TTC33: variants seen among roughly 807,000 people sequenced by gnomAD.
The protein encoded by TTC33 is tetratricopeptide repeat domain 33.
A neutral mutation model predicts 29.4 loss-of-function variants in TTC33; 24 were observed. The observed-to-expected ratio is 0.82, with a 90% confidence interval of 0.59 to 1.15. The LOEUF is 1.15. Among genes scored for constraint, TTC33 ranks in the 50% most tolerant of loss-of-function variants. The pLI, the probability that TTC33 is intolerant of heterozygous loss-of-function variation, is 0.00. For synonymous variants in TTC33, 107 were observed against 100.3 expected, an observed-to-expected ratio of 1.07 and a Z score of -0.40; for missense variants, 286 against 310.4, an observed-to-expected ratio of 0.92 and a Z score of 0.59.
intron 4 of TTC33, among the ~76,000 whole-genome samples, chr5:40,727,539 A>G (rs1742316228): frequency 6.6e-6 from 1 of 152,172 alleles, no homozygotes; most frequent in South Asian, 2.1e-4. Context: ...TTTCATTTGC[A>G]CACATTTCTA....
At chr5:40,754,255 G>A (rs1431703487) in intron 1 of TTC33, among the ~76,000 whole-genome samples, 1 of 152,148 alleles carries the variant, frequency 6.6e-6, no homozygotes, top group Non-Finnish European at 1.5e-5. Flanking sequence ...GGGTGTGGGA[G>A]GCCTGATGCC....
chr5:40,732,112 A>G (rs1159981731), intron 2 of TTC33, among the ~76,000 whole-genome samples: 1 of 152,178 alleles, frequency 6.6e-6, no homozygotes, highest in Admixed American at 6.5e-5. Flanking sequence ...CTTGGGCTCA[A>G]GGGCCTCCCA....
At chr5:40,740,557 C>T (rs1365561087) in intron 2 of TTC33, among the ~76,000 whole-genome samples, 1 of 152,146 alleles carries the variant, frequency 6.6e-6, no homozygotes, top group Non-Finnish European at 1.5e-5. Flanking sequence ...TATCTCATGG[C>T]TTTTCTCCAC....
rs960368764 is a variant in TTC33, at chr5:40,716,108, C to T, written c.*37G>A. 6.6e-7 allele frequency: 1 copy of T among 1,505,296 alleles called. No homozygotes were observed. Among genetic ancestry groups the T allele is most frequent in the Non-Finnish European group, 8.9e-7 (1 of 1,119,696 alleles). The allele number at this position is 1,505,296 out of a possible 1,614,324, so 93.2% of individuals were successfully genotyped here. ...CTATGTCAAAACTTCAAGAGGCAATCAAAAAGACAGATTCAAATAATCCTA... is the reference window on the plus strand; with the variant it reads ...CTATGTCAAAACTTCAAGAGGCAATTAAAAAGACAGATTCAAATAATCCTA... On this transcript the variant is annotated 3_prime_UTR_variant, in exon 5 of 5. Transcript: ENST00000337702.
chr5:40,726,608 T>C (rs1742294128), intron 4 of TTC33, among the ~76,000 whole-genome samples: 1 of 36,564 alleles, frequency 2.7e-5, no homozygotes, highest in Non-Finnish European at 6.0e-5. Flanking sequence ...AATAGAGCCA[T>C]ATCAACAGAA....
intron 4 of TTC33, among the ~76,000 whole-genome samples, chr5:40,721,554 G>A (rs190123345): frequency 3.5e-4 from 53 of 152,072 alleles, no homozygotes; most frequent in East Asian, 3.1e-3. Flanking sequence ...GGATATCCGC[G>A]TGCAAAAGAA....
intron 4 of TTC33, among the ~76,000 whole-genome samples, chr5:40,723,392 C>CA (rs1366532555): frequency 6.6e-6 from 1 of 151,582 alleles, no homozygotes; most frequent in African/African-American, 2.4e-5. Flanking sequence ...ATGACCCTGC[C>CA]AAATCCCCTT....
intron 4 of TTC33, among the ~76,000 whole-genome samples, chr5:40,722,432 C>T (rs1326240115): frequency 2.6e-5 from 4 of 151,600 alleles, no homozygotes; most frequent in Admixed American, 6.6e-5. Flanking sequence ...AGCGCCTCTT[C>T]CCGGCCGTCA....
In TTC33 at chr5:40,728,391, C is replaced by T. The variant is rs1220021439; in HGVS notation, c.389G>A (p.Trp130Ter). The T allele has an allele frequency of 6.2e-7, 1 of 1,613,536 alleles. No homozygotes were observed. Among genetic ancestry groups the T allele is most frequent in the Non-Finnish European group, 8.5e-7 (1 of 1,179,824 alleles). The change falls in exon 4 of 5, where the codon TGG becomes TAG. Residue 130 changes from tryptophan to a stop codon, truncating the protein, a stop_gained. Coordinates refer to ENST00000337702, the MANE Select transcript of TTC33 (RefSeq NM_012382.3). LOFTEE classifies it high-confidence loss of function. ...AAGTTGAGCACGTCCCAAAGTCTGC[C>T]AAGACTCCCATGAATGTGGATTTTG... ...VQQNPHSWES[W>*]QTLGRAQLGL... is the part of the protein sequence containing the mutation.
chr5:40,721,552 G>A (rs113083380), intron 4 of TTC33, among the ~76,000 whole-genome samples: 33 of 152,064 alleles, frequency 2.2e-4, no homozygotes, highest in African/African-American at 3.4e-4. Context: ...CCGGATATCC[G>A]CGTGCAAAAG....
At chr5:40,729,878 T>C (rs1409474731) in intron 3 of TTC33, among the ~76,000 whole-genome samples, 4 of 152,116 alleles carry the variant, frequency 2.6e-5, no homozygotes, top group Admixed American at 2.0e-4. Flanking sequence ...TTTGTATTTT[T>C]AGTAGAGGCA....
At chr5:40,723,646 C>T (rs1742209431) in intron 4 of TTC33, among the ~76,000 whole-genome samples, 1 of 152,142 alleles carries the variant, frequency 6.6e-6, no homozygotes, top group Non-Finnish European at 1.5e-5. Context: ...GGGCGGATCA[C>T]CTGAGACCAG....
At chr5:40,747,167 C>T in intron 1 of TTC33, 148 bp from the exon 2 acceptor site, 1 of 665,358 alleles carries the variant, frequency 1.5e-6, no homozygotes, top group South Asian at 2.0e-5. Flanking sequence ...AAGTGATTCT[C>T]CTGCCTCAGC....
At chr5:40,733,102 G>A (rs1310918087) in intron 2 of TTC33, among the ~76,000 whole-genome samples, 3 of 152,058 alleles carry the variant, frequency 2.0e-5, no homozygotes, top group South Asian at 2.1e-4. Context: ...ACTTTGTTCC[G>A]TTCATTATTT....
intron 4 of TTC33, among the ~76,000 whole-genome samples, chr5:40,726,029 C>T (rs1176077455): frequency 2.6e-5 from 4 of 151,726 alleles, no homozygotes; most frequent in Non-Finnish European, 5.9e-5. Flanking sequence ...TTGTGATCCG[C>T]CCGCCTCGGC....
At chr5:40,728,789 T>C (rs539559374) in intron 3 of TTC33, among the ~76,000 whole-genome samples, 6 of 152,336 alleles carry the variant, frequency 3.9e-5, no homozygotes, top group African/African-American at 1.4e-4. Context: ...TTCCATTTAT[T>C]CTATTTACAA....
intron 2 of TTC33, among the ~76,000 whole-genome samples, chr5:40,732,898 G>A (rs370043613): frequency 2.0e-5 from 3 of 152,106 alleles, no homozygotes; most frequent in South Asian, 4.2e-4. Context: ...ATGAGCCACC[G>A]CGCCCGGCCT....
chr5:40,716,042 A>C lies in TTC33; in HGVS notation c.*103T>G. 1.0e-6 allele frequency: 1 copy of C among 954,036 alleles called. No individual in the cohort carries two copies. Among genetic ancestry groups the C allele is most frequent in the Non-Finnish European group, 1.5e-6 (1 of 657,012 alleles). The allele number at this position is 954,036 out of a possible 1,614,324, so 59.1% of individuals were successfully genotyped here. A position where few individuals can be genotyped will look rare whatever the true frequency, so the allele number is the denominator to read the frequency against. ...ATGCCTCATCTGAAAAACATATTTT[A>C]CAACCAGGCGTTCTCCTATCTATCT... On this transcript the variant is annotated 3_prime_UTR_variant, in exon 5 of 5. Coordinates refer to ENST00000337702, the MANE Select transcript of TTC33 (RefSeq NM_012382.3).
At chr5:40,749,187 A>T (rs1212866728) in intron 1 of TTC33, among the ~76,000 whole-genome samples, 1 of 152,204 alleles carries the variant, frequency 6.6e-6, no homozygotes, top group Non-Finnish European at 1.5e-5. Flanking sequence ...GATAAATGAT[A>T]AAACAAAGTT....
Sources: allele counts gnomAD v4.1 joint callset (sites outside exome capture counted in the v4.1 genomes callset), GRCh38; gene constraint gnomAD v4.1.1; transcripts MANE v1.5; gene names NCBI Gene and HGNC (gene_info 2026-07-23, HGNC 2026-07-21).